Variants in ATXN1 observed in about 807,000 individuals in gnomAD.
ATXN1 encodes the protein ataxin 1.
A neutral mutation model predicts 56.4 loss-of-function variants in ATXN1; 8 were observed. The observed-to-expected ratio is 0.14, with a 90% CI of 0.08 to 0.26. The LOEUF is 0.26. ATXN1 is among the 10% of genes least tolerant of loss of function. The pLI is 1.00. For synonymous variants in ATXN1, 514 were observed against 494.6 expected, an observed-to-expected ratio of 1.04 and a Z score of -0.52; for missense variants, 987 against 1,106.5, an observed-to-expected ratio of 0.89 and a Z score of 1.53.
chr6:16,385,158 C>A (rs1056303827), intron 6 of ATXN1, among the ~76,000 whole-genome samples: 1 of 152,098 alleles, frequency 6.6e-6, no homozygotes, highest in East Asian at 1.9e-4. Context: ...AGGGGACATG[C>A]CACATTCAGG....
chr6:16,587,167 A>C (rs1031139649), intron 3 of ATXN1, among the ~76,000 whole-genome samples: 1 of 152,210 alleles, frequency 6.6e-6, no homozygotes, highest in African/African-American at 2.4e-5. Context: ...TCATATTTCA[A>C]CTGAGTGTAA....
In ATXN1 at chr6:16,398,713, C is replaced by T. The variant is rs892004515; in HGVS notation, c.-160-70243G>A. ...TTATCAGATATGTACACATTTTATC[C>T]TTGCAATATGTCTAAAATGATTTTA... On this transcript the variant is annotated intron_variant, in intron 6 of 7. Transcript: ENST00000436367. Among the ~76,000 whole-genome samples the T allele has an allele frequency of 5.3e-5, 8 of 152,256 alleles. No individual in the cohort carries two copies. In the East Asian group the frequency reaches 1.5e-3, roughly 29 times the overall value.
intron 2 of ATXN1, among the ~76,000 whole-genome samples, chr6:16,674,373 C>T (rs1465836714): frequency 2.5e-5 from 3 of 122,294 alleles, no homozygotes; most frequent in African/African-American, 6.6e-5. Context: ...GACGGAGTCT[C>T]GCTCTGTTGC....
intron 3 of ATXN1, among the ~76,000 whole-genome samples, chr6:16,613,566 C>T (rs1214335574): frequency 6.6e-6 from 1 of 151,264 alleles, no homozygotes; most frequent in African/African-American, 2.5e-5. Context: ...GTGGCTCACA[C>T]CTGTAATCCC....
intron 6 of ATXN1, among the ~76,000 whole-genome samples, chr6:16,388,585 A>C (rs1035443526): frequency 2.6e-5 from 4 of 152,240 alleles, no homozygotes; most frequent in African/African-American, 2.4e-5. Context: ...CTGTCCTCAC[A>C]GTTGGGAACT....
chr6:16,692,761 T>C (rs1028024809), intron 2 of ATXN1, among the ~76,000 whole-genome samples: 1 of 152,170 alleles, frequency 6.6e-6, no homozygotes, highest in South Asian at 2.1e-4. Flanking sequence ...GTACATTCCA[T>C]GTTCTATATT....
chr6:16,482,579 C>G (rs145671693), intron 6 of ATXN1, among the ~76,000 whole-genome samples: 40 of 152,264 alleles, frequency 2.6e-4, no homozygotes, highest in African/African-American at 9.1e-4. Context: ...TGCTTAGACT[C>G]TAACCAATAT....
chr6:16,654,985 T>G (rs1758166218), intron 3 of ATXN1, among the ~76,000 whole-genome samples: 1 of 152,190 alleles, frequency 6.6e-6, no homozygotes, highest in Non-Finnish European at 1.5e-5. Flanking sequence ...GAAAGCCAGC[T>G]GCTAACAAGA....
chr6:16,666,941 T>G (rs1265422332), intron 2 of ATXN1: 3 of 152,180 alleles, frequency 2.0e-5, no homozygotes, highest in Non-Finnish European at 4.4e-5. Context: ...AATCAATTCA[T>G]GAAGTAACTA....
chr6:16,383,445 A>G (rs570147964), intron 6 of ATXN1, among the ~76,000 whole-genome samples: 2 of 152,236 alleles, frequency 1.3e-5, no homozygotes, highest in African/African-American at 2.4e-5. Flanking sequence ...AGGCGATAGA[A>G]TATGGTGCTT....
intron 2 of ATXN1, among the ~76,000 whole-genome samples, chr6:16,743,877 C>T (rs1055490008): frequency 2.6e-5 from 4 of 151,964 alleles, no homozygotes; most frequent in Admixed American, 6.6e-5. Context: ...CGACGTGGGA[C>T]GAATACAGGG....
intron 5 of ATXN1, among the ~76,000 whole-genome samples, chr6:16,494,713 T>C (rs1760738049): frequency 2.0e-5 from 3 of 152,214 alleles, no homozygotes; most frequent in Admixed American, 1.3e-4. Context: ...AAAATGTAAG[T>C]TGAACATATA....
chr6:16,429,886 C>T (rs139046406), intron 6 of ATXN1, among the ~76,000 whole-genome samples: 16 of 152,242 alleles, frequency 1.1e-4, no homozygotes, highest in African/African-American at 2.6e-4. Flanking sequence ...GACTGTGGGA[C>T]GTGGAGCTCA....
chr6:16,453,402 A>G (rs1759795168), intron 6 of ATXN1, among the ~76,000 whole-genome samples: 1 of 152,150 alleles, frequency 6.6e-6, no homozygotes, highest in South Asian at 2.1e-4. Context: ...CAGAGGTTGA[A>G]GTGAGCCAAG....
intron 1 of ATXN1, among the ~76,000 whole-genome samples, chr6:16,755,225 A>C (rs1321995176): frequency 6.6e-6 from 1 of 152,232 alleles, no homozygotes; most frequent in East Asian, 1.9e-4. Flanking sequence ...TTCTTATTTC[A>C]AAAGTATTTG....
At chr6:16,367,362 T>TCA (rs67144687) in intron 6 of ATXN1, among the ~76,000 whole-genome samples, 143 of 144,546 alleles carry the variant, frequency 9.9e-4, no homozygotes, top group African/African-American at 2.4e-3. Flanking sequence ...TCTCTCTCTC[T>TCA]CACACACACA....
intron 6 of ATXN1, among the ~76,000 whole-genome samples, chr6:16,350,468 G>A (rs1045810692): frequency 2.0e-5 from 3 of 152,158 alleles, no homozygotes; most frequent in Non-Finnish European, 2.9e-5. Flanking sequence ...TAACGGTTTT[G>A]CACCATTTCT....
chr6:16,592,240 C>T (rs1762735928), intron 3 of ATXN1, among the ~76,000 whole-genome samples: 1 of 152,176 alleles, frequency 6.6e-6, no homozygotes, highest in Non-Finnish European at 1.5e-5. Flanking sequence ...TTTCAGTACT[C>T]AAAGCAGCAG....
At chr6:16,657,019 T>A (rs1244073932) in intron 3 of ATXN1, among the ~76,000 whole-genome samples, 1 of 149,128 alleles carries the variant, frequency 6.7e-6, no homozygotes, top group Non-Finnish European at 1.5e-5. Context: ...AGTCTCGCTC[T>A]GTCGCCCAGG....
Sources: allele counts gnomAD v4.1 joint callset (sites outside exome capture counted in the v4.1 genomes callset), GRCh38; gene constraint gnomAD v4.1.1; transcripts MANE v1.5; gene names NCBI Gene and HGNC (gene_info 2026-07-23, HGNC 2026-07-21).